The following ZNF467 variants were observed in gnomAD, a reference collection of about 807,000 sequenced individuals.
ZNF467 encodes zinc finger protein 467, also known as zinc finger protein EZI.
ZNF467 carries 51 observed loss-of-function variants against 47.8 expected under a neutral mutation model. The ratio of observed to expected loss-of-function variants is 1.07; its 90% CI spans 0.85 to 1.35. The LOEUF is 1.35. Ranked by LOEUF, ZNF467 falls within the 40% of genes most tolerant of loss-of-function variation. ZNF467 has a pLI of 0.00. For synonymous variants in ZNF467, 416 were observed against 372.9 expected (o/e 1.12, Z -1.33); for missense variants, 992 against 858.1 (o/e 1.16, Z -1.95).
Position 149,770,987 on chromosome 7 carries a change from C to G in ZNF467, c.34+12G>C. The G allele has an allele frequency of 6.2e-7, 1 of 1,614,090 alleles. No individual in the cohort carries two copies. The highest frequency in any genetic ancestry group is 8.5e-7 in the Non-Finnish European group (1 of 1,179,946). On this transcript the variant is annotated intron_variant, in intron 2 of 4. Transcript: ENST00000302017. ...AGCTTTTCCCCAAGTCCCTTCATTT[C>G]TGCCAGCTCACCCAGGGAGCTGAGG... is the stretch of plus-strand genomic sequence containing the variant.
In ZNF467 at chr7:149,770,541, T is replaced by A; in HGVS notation, c.50A>T (p.Gln17Leu). 3.1e-6 allele frequency: 5 copies of A among 1,613,204 alleles called. No homozygotes were observed. The highest frequency in any genetic ancestry group is 4.2e-6 in the Non-Finnish European group (5 of 1,179,532). The change falls in exon 3 of 5, where the codon CAG becomes CTG. Residue 17 changes from glutamine to leucine, a missense_variant. Transcript: ENST00000302017. ...ALSSLGFSVGQPEMAPQSEPR... is the reference protein window; with the variant it reads ...ALSSLGFSVGLPEMAPQSEPR... ...CTCACTTTGGGGGGCCATCTCTGGCTGTCCCACAGAGAATCCTGTTACAGG... is the reference window on the plus strand; with the variant it reads ...CTCACTTTGGGGGGCCATCTCTGGCAGTCCCACAGAGAATCCTGTTACAGG...
intron 1 of ZNF467, among the ~76,000 whole-genome samples, chr7:149,771,897 G>C (rs1440519935): frequency 2.5e-5 from 2 of 78,784 alleles, no homozygotes; most frequent in African/African-American, 1.0e-4. Flanking sequence ...TCGAGGCCCC[G>C]TCCGGGTCGG....
chr7:149,775,931 G>T, upstream of ZNF467: 1 of 820,840 alleles, frequency 1.2e-6, no homozygotes, highest in South Asian at 1.4e-5. Context: ...CTGCGGGGAG[G>T]CTGCGTGGGG....
chr7:149,765,365 G>C lies in ZNF467; in HGVS notation c.1137C>G (p.Ser379Arg). 6.4e-7 allele frequency: 1 copy of C among 1,550,680 alleles called. No individual in the cohort carries two copies. The highest frequency in any genetic ancestry group is 1.2e-5 in the South Asian group (1 of 83,220). Residue 379 changes from serine to arginine, a missense_variant, in exon 5 of 5, where the codon AGC (serine) becomes AGG (arginine). Physicochemically the swap from Ser to Arg is moderately radical, Grantham distance 110. Coordinates refer to ENST00000302017, the MANE Select transcript of ZNF467 (RefSeq NM_207336.3). ...CATCGCACCCAAAGGGGCGACCCTC[G>C]CTGCGGTGCAGACACTGGTGCGTGG... ...NLATHQCLHR[S>R]EGRPFGCDEC... is the part of the protein sequence containing the mutation.
At chr7:149,768,666 C>T (rs1043706520) in intron 4 of ZNF467, among the ~76,000 whole-genome samples, 6 of 152,198 alleles carry the variant, frequency 3.9e-5, no homozygotes, top group African/African-American at 1.4e-4. Context: ...GAGTTGAATA[C>T]AGCAGATGTG....
intron 4 of ZNF467, among the ~76,000 whole-genome samples, chr7:149,768,638 C>T (rs1799293398): frequency 6.6e-6 from 1 of 152,190 alleles, no homozygotes; most frequent in Non-Finnish European, 1.5e-5. Flanking sequence ...AGTTTGATCA[C>T]CCTGGGTATG....
Position 149,769,061 on chromosome 7 carries a change from TG to T in ZNF467, c.262+28del. 1.3e-6 allele frequency: 2 copies of T among 1,517,852 alleles called. No individual in the cohort carries two copies. Among genetic ancestry groups the T allele is most frequent in the Non-Finnish European group, 1.8e-6 (2 of 1,129,580 alleles). 94.0% of individuals were successfully genotyped at this position (1,517,852 alleles called of 1,614,324 possible). On this transcript the variant is annotated intron_variant, in intron 4 of 4. Coordinates refer to ENST00000302017, the MANE Select transcript of ZNF467 (RefSeq NM_207336.3). This position sits in a 1 kb window ranked among gnomAD's most constrained non-coding sequence, Gnocchi z 5.3. Reference sequence around the variant, plus strand: ...GCCCCGTTCCCTTGGCCTGAGCCCGTGGTGGGATGAAGTGATGGGAAGACTC... The same window carrying T: ...GCCCCGTTCCCTTGGCCTGAGCCCGTGTGGGATGAAGTGATGGGAAGACTC...
chr7:149,770,314 G>GGAAGGAAGGAAGGAAA, intron 3 of ZNF467, 126 bp downstream of exon 3: 3 of 585,416 alleles, frequency 5.1e-6, no homozygotes, highest in Non-Finnish European at 8.9e-6. Context: ...TTTGATGAAT[G>GGAAGGAAGGAAGGAAA]GAAGGAAGGA....
intron 4 of ZNF467, among the ~76,000 whole-genome samples, chr7:149,766,551 A>G (rs1197155391): frequency 6.6e-6 from 1 of 152,166 alleles, no homozygotes; most frequent in Admixed American, 6.5e-5. Flanking sequence ...CCAGGTTCAC[A>G]TCCCTTTGGT....
In ZNF467 at chr7:149,764,313, TAAG is replaced by T; in HGVS notation, c.*398_*400del. ...GTGTGGATGGAGGTGGGACAGTGGC[TAAG>T]GAGAGTCAGGTGTTCCCTCCCCCAA... is the stretch of plus-strand genomic sequence containing the variant. On this transcript the variant is annotated 3_prime_UTR_variant, in exon 5 of 5. Coordinates refer to ENST00000302017, the MANE Select transcript of ZNF467 (RefSeq NM_207336.3). The T allele has an allele frequency of 2.3e-6, 1 of 439,086 alleles. No individual in the cohort carries two copies. The highest frequency in any genetic ancestry group is 4.0e-6 in the Non-Finnish European group (1 of 250,044). The allele number at this position is 439,086 out of a possible 1,614,324, so 27.2% of individuals were successfully genotyped here. A position where few individuals can be genotyped will look rare whatever the true frequency, so the allele number is the denominator to read the frequency against.
chr7:149,766,069 T>C lies in ZNF467; in HGVS notation c.433A>G (p.Ser145Gly). Residue 145 changes from serine to glycine, a missense_variant, in exon 5 of 5, where the codon AGT (serine) becomes GGT (glycine). Transcript: ENST00000302017. ...CCCCACCCAGACAGCGCGAGCCCAC[T>C]CAGTGCCCCCGGGGCCCCTGGCTCC... Reference protein sequence around the residue: ...KLEPGAPGALSGLALSGWGPM... With the variant: ...KLEPGAPGALGGLALSGWGPM... 2 of 1,609,976 alleles carry C rather than the reference T, an allele frequency of 1.2e-6. No homozygotes were observed. Among genetic ancestry groups the C allele is most frequent in the Non-Finnish European group, 1.7e-6 (2 of 1,178,158 alleles).
At position 149,769,178 on chromosome 7, in the gene ZNF467, C is replaced by A; in HGVS notation, c.174G>T (p.Glu58Asp). 1 of 1,559,968 alleles carries A rather than the reference C, an allele frequency of 6.4e-7. No individual in the cohort carries two copies. The highest frequency in any genetic ancestry group is 8.7e-7 in the Non-Finnish European group (1 of 1,151,074). ...VCSGHEAPTPEEGAHTEQAEA... is the reference protein window; with the variant it reads ...VCSGHEAPTPDEGAHTEQAEA... ...CGGCTTGTTCTGTGTGGGCACCTTCCTCCGGTGTAGGGGCCTCGTGCCCTG... is the reference window on the plus strand; with the variant it reads ...CGGCTTGTTCTGTGTGGGCACCTTCATCCGGTGTAGGGGCCTCGTGCCCTG... The change falls in exon 4 of 5, where the codon GAG becomes GAT. Residue 58 changes from glutamate (E) to aspartate (D), a missense_variant. Coordinates refer to ENST00000302017, the MANE Select transcript of ZNF467 (RefSeq NM_207336.3). This position sits in a 1 kb window ranked among gnomAD's most constrained non-coding sequence, Gnocchi z 5.3.
chr7:149,765,786 G>T lies in ZNF467; in HGVS notation c.716C>A (p.Thr239Lys). The change falls in exon 5 of 5, where the codon ACG becomes AAG. Residue 239 changes from threonine (T) to lysine (K), a missense_variant. Physicochemically the swap from Thr to Lys is moderately conservative, Grantham distance 78 (BLOSUM62 -1). Transcript: ENST00000302017. ...AHLTRHLRTH[T>K]GERPYPCAEC... Reference sequence around the variant, plus strand: ...CGCGCACGGGTAGGGCCGCTCGCCCGTGTGCGTGCGCAGGTGGCGGGTCAG... The same window carrying T: ...CGCGCACGGGTAGGGCCGCTCGCCCTTGTGCGTGCGCAGGTGGCGGGTCAG... 1.2e-6 allele frequency: 2 copies of T among 1,611,368 alleles called. No homozygotes were observed. Among genetic ancestry groups the T allele is most frequent in the Non-Finnish European group, 8.5e-7 (1 of 1,178,982 alleles).
rs1243509357 is a variant in ZNF467, at chr7:149,771,750, A to G, written c.-42-676T>C. ...GACTCCCCTCCCCCATCTCCCCGGCAGCCTTCCCTCTGCCCCGCCCCTCCC... is the reference window on the plus strand; with the variant it reads ...GACTCCCCTCCCCCATCTCCCCGGCGGCCTTCCCTCTGCCCCGCCCCTCCC... On this transcript the variant is annotated intron_variant, in intron 1 of 4. Transcript: ENST00000302017. Among the ~76,000 whole-genome samples, 20 of 63,210 alleles carry G rather than the reference A, an allele frequency of 3.2e-4. No individual in the cohort carries two copies. The East Asian group carries it at 0.011, about 35-fold the overall frequency. 41.5% of individuals were successfully genotyped at this position (63,210 alleles called of 152,430 possible).
At position 149,764,313 on chromosome 7, in the gene ZNF467, T is replaced by C; in HGVS notation, c.*401A>G. ...GTGTGGATGGAGGTGGGACAGTGGC[T>C]AAGGAGAGTCAGGTGTTCCCTCCCC... On this transcript the variant is annotated 3_prime_UTR_variant, in exon 5 of 5. Transcript: ENST00000302017. The C allele has an allele frequency of 9.1e-6, 4 of 439,068 alleles. No individual in the cohort carries two copies. Among genetic ancestry groups the C allele is most frequent in the Middle Eastern group, 5.6e-4 (1 of 1,778 alleles). 27.2% of individuals were successfully genotyped at this position (439,068 alleles called of 1,614,324 possible).
chr7:149,773,984 G>A (rs1001655446), upstream of ZNF467, among the ~76,000 whole-genome samples: 1 of 152,138 alleles, frequency 6.6e-6, no homozygotes, highest in African/African-American at 2.4e-5. Flanking sequence ...ACTGGGGAGA[G>A]GACTTTAAGC....
upstream of ZNF467, among the ~76,000 whole-genome samples, chr7:149,774,834 C>T (rs1050897614): frequency 3.3e-5 from 5 of 152,044 alleles, no homozygotes; most frequent in African/African-American, 9.7e-5. The surrounding 1 kb of genome is among the most constrained non-coding windows in gnomAD (Gnocchi z 5.7). Context: ...CCTTTTTTGG[C>T]CCTGGGACCA....
upstream of ZNF467, chr7:149,776,371 A>C (rs757074740): frequency 2.6e-5 from 36 of 1,363,756 alleles, no homozygotes; most frequent in Non-Finnish European, 3.4e-5. Flanking sequence ...GACAGAGACC[A>C]TCCGTGTGGA....
rs574260064 is a variant in ZNF467 at position 149,769,527 on chromosome 7, G to C, written c.152-327C>G. 1.9e-3 allele frequency among the ~76,000 whole-genome samples: 296 copies of C among 152,240 alleles called. 6 individuals are homozygous for C. Among genetic ancestry groups the C allele is most frequent in the Admixed American group, 0.018 (275 of 15,296 alleles). On this transcript the variant is annotated intron_variant, in intron 3 of 4. Coordinates refer to ENST00000302017, the MANE Select transcript of ZNF467 (RefSeq NM_207336.3). The surrounding 1 kb of genome is among the most constrained non-coding windows in gnomAD (Gnocchi z 5.3). ...CTGACCTGATGCCCCTAGGAGAAGG[G>C]CTGGGGACTTCCCAGCCCCCAGATG...
Sources: allele counts gnomAD v4.1 joint callset (sites outside exome capture counted in the v4.1 genomes callset), GRCh38; gene constraint gnomAD v4.1.1; non-coding constraint Gnocchi (gnomAD v3.1); transcripts MANE v1.5; gene names NCBI Gene and HGNC (gene_info 2026-07-23, HGNC 2026-07-21).